Variants in MIPOL1 observed in about 807,000 individuals in gnomAD.
The protein encoded by MIPOL1 is mirror-image polydactyly gene 1 protein.
In MIPOL1, 57 loss-of-function variants were observed where a neutral mutation model predicts 60.9. That is an observed-to-expected ratio of 0.94 (90% CI 0.76 to 1.17). The LOEUF is 1.17. Ranked by LOEUF, MIPOL1 falls within the 50% of genes most tolerant of loss-of-function variation. MIPOL1 has a pLI of 0.00. For missense variants in MIPOL1, 551 were observed against 511.6 expected, an observed-to-expected ratio of 1.08 and a Z score of -0.74; for synonymous variants, 179 against 168.8, an observed-to-expected ratio of 1.06 and a Z score of -0.47.
intron 10 of MIPOL1, among the ~76,000 whole-genome samples, chr14:37,422,346 T>A (rs2093888128): frequency 6.6e-6 from 1 of 151,982 alleles, no homozygotes; most frequent in Non-Finnish European, 1.5e-5. Flanking sequence ...ATCATAACTG[T>A]AAGAATCAGT....
chr14:37,474,458 A>G (rs1378764527), intron 11 of MIPOL1, among the ~76,000 whole-genome samples: 1 of 152,142 alleles, frequency 6.6e-6, no homozygotes, highest in East Asian at 1.9e-4. Context: ...AATAAGTCTC[A>G]TGAGATCTAA....
chr14:37,514,827 G>C (rs2095356980), intron 12 of MIPOL1, among the ~76,000 whole-genome samples: 1 of 151,966 alleles, frequency 6.6e-6, no homozygotes, highest in Admixed American at 6.6e-5. Flanking sequence ...CTCCATGTTG[G>C]TCAGGTATAC....
intron 11 of MIPOL1, among the ~76,000 whole-genome samples, chr14:37,451,598 C>G (rs2094417377): frequency 6.7e-6 from 1 of 149,908 alleles, no homozygotes; most frequent in Non-Finnish European, 1.5e-5. Context: ...GATTCTCTCT[C>G]ATCATAATCA....
At chr14:37,308,315 T>G (rs995398895) in intron 8 of MIPOL1, 34 bp from the exon 9 acceptor site, 1 of 1,462,790 alleles carries the variant, frequency 6.8e-7, no homozygotes, top group African/African-American at 1.4e-5. Flanking sequence ...ATATTAAAAC[T>G]TCATGTCTGA....
chr14:37,316,449 A>G (rs116292363), intron 9 of MIPOL1, among the ~76,000 whole-genome samples: 56 of 152,240 alleles, frequency 3.7e-4, no homozygotes, highest in African/African-American at 1.3e-3. Context: ...AGTTCCGTCC[A>G]GGACAGAGGC....
intron 9 of MIPOL1, among the ~76,000 whole-genome samples, chr14:37,322,171 T>C (rs1403516090): frequency 6.6e-6 from 1 of 152,038 alleles, no homozygotes; most frequent in Non-Finnish European, 1.5e-5. Flanking sequence ...GAATTCTGTA[T>C]TATTGCAGTT....
intron 9 of MIPOL1, among the ~76,000 whole-genome samples, chr14:37,331,503 G>A (rs931946261): frequency 2.7e-5 from 4 of 149,292 alleles, no homozygotes; most frequent in Middle Eastern, 3.6e-3. Flanking sequence ...TAAGTTTATT[G>A]CTAGATATTT....
intron 7 of MIPOL1, among the ~76,000 whole-genome samples, chr14:37,298,553 C>T (rs2086016752): frequency 6.6e-6 from 1 of 152,306 alleles, no homozygotes; most frequent in South Asian, 2.1e-4. Flanking sequence ...ACCTACTCAT[C>T]TGACAAAGGG....
chr14:37,235,600 A>G (rs1394921851), intron 1 of MIPOL1, among the ~76,000 whole-genome samples: 4 of 152,158 alleles, frequency 2.6e-5, no homozygotes, highest in East Asian at 1.9e-4. Context: ...TAAAATGTAC[A>G]TAACATAAAT....
rs184738078 is a variant in MIPOL1 at position 37,289,810 on chromosome 14, A to G, written c.623+4363A>G. On this transcript the variant is annotated intron_variant, in intron 7 of 12. Transcript: ENST00000684589. ...TTGGGGGTTGAAGCTCAAAGTCACAACGTTTTAATCATGCAACCCTCTTCA... is the reference window on the plus strand; with the variant it reads ...TTGGGGGTTGAAGCTCAAAGTCACAGCGTTTTAATCATGCAACCCTCTTCA... Among the ~76,000 whole-genome samples the G allele has an allele frequency of 1.5e-3, 236 of 152,290 alleles. 1 individual carries two copies. Among genetic ancestry groups the G allele is most frequent in the African/African-American group, 5.4e-3 (224 of 41,572 alleles).
At chr14:37,486,819 T>C (rs1454015058) in intron 11 of MIPOL1, among the ~76,000 whole-genome samples, 1 of 152,132 alleles carries the variant, frequency 6.6e-6, no homozygotes, top group Non-Finnish European at 1.5e-5. Context: ...TCTTTATTGC[T>C]TTCTCTTGCC....
At chr14:37,452,795 T>C (rs1247594746) in intron 11 of MIPOL1, among the ~76,000 whole-genome samples, 2 of 152,218 alleles carry the variant, frequency 1.3e-5, no homozygotes, top group African/African-American at 4.8e-5. Flanking sequence ...GCAGCTCCCA[T>C]TAACTTTAAA....
At position 37,402,437 on chromosome 14, in the gene MIPOL1, G is replaced by A. The variant is rs190027402; in HGVS notation, c.937-20418G>A. Among the ~76,000 whole-genome samples, 404 of 152,236 alleles carry A rather than the reference G, an allele frequency of 2.7e-3. 1 individual carries two copies. Among genetic ancestry groups the A allele is most frequent in the Non-Finnish European group, 2.9e-3 (196 of 68,016 alleles). On this transcript the variant is annotated intron_variant, in intron 10 of 12. Coordinates refer to ENST00000684589, the MANE Select transcript of MIPOL1 (RefSeq NM_001388067.1). ...ATGTGAAAGACTTAGCTGTGAGGAT[G>A]TTTATGAGTCTGCCAATGAGCAAAA... is the stretch of plus-strand genomic sequence containing the variant.
intron 12 of MIPOL1, chr14:37,505,713 C>G (rs1277908159): frequency 1.3e-5 from 2 of 152,314 alleles, no homozygotes; most frequent in Non-Finnish European, 1.5e-5. Flanking sequence ...AGGATGTTCT[C>G]TCTCACCACT....
At position 37,361,608 on chromosome 14, in the gene MIPOL1, CTCTTTTTTTTTTTTT is replaced by C. The variant is rs2092251763; in HGVS notation, c.829-7907_829-7893del. On this transcript the variant is annotated intron_variant, in intron 9 of 12. Coordinates refer to ENST00000684589, the MANE Select transcript of MIPOL1 (RefSeq NM_001388067.1). ...TGGCCTTTTTTGTTTCTCCCTCTCT[CTCTTTTTTTTTTTTT>C]TTTTTTTTTTTTTTGCCTCTCTCGC... Among the ~76,000 whole-genome samples the C allele has an allele frequency of 3.6e-5, 4 of 111,156 alleles. No homozygotes were observed. In the Admixed American group the frequency reaches 3.8e-4, roughly 10 times the overall value. 72.9% of individuals were successfully genotyped at this position (111,156 alleles called of 152,430 possible). A position where few individuals can be genotyped will look rare whatever the true frequency, so the allele number is the denominator to read the frequency against.
chr14:37,538,047 G>A (rs1456922314), intron 12 of MIPOL1, among the ~76,000 whole-genome samples: 2 of 152,108 alleles, frequency 1.3e-5, no homozygotes, highest in Non-Finnish European at 2.9e-5. Context: ...CCTGTAGCTG[G>A]TCCAGCTTCT....
At chr14:37,364,003 GGGCC>G in intron 9 of MIPOL1, among the ~76,000 whole-genome samples, 1 of 152,170 alleles carries the variant, frequency 6.6e-6, no homozygotes, top group African/African-American at 2.4e-5. Context: ...CACAGTATTT[GGGCC>G]GGAATGTCCC....
At chr14:37,441,405 A>G (rs1343559395) in intron 11 of MIPOL1, among the ~76,000 whole-genome samples, 3 of 152,006 alleles carry the variant, frequency 2.0e-5, no homozygotes, top group Non-Finnish European at 4.4e-5. Context: ...TCTTAAGTTA[A>G]TTTTTCTATA....
chr14:37,486,895 G>A (rs2094955687), intron 11 of MIPOL1, among the ~76,000 whole-genome samples: 1 of 152,118 alleles, frequency 6.6e-6, no homozygotes. Flanking sequence ...GTATGAGAGG[G>A]CATCCTTGTC....
Sources: gnomAD v4.1 joint callset for allele counts (sites outside exome capture counted in the v4.1 genomes callset) on GRCh38, gnomAD v4.1.1 for gene constraint, MANE v1.5 for transcripts, NCBI Gene and HGNC (gene_info 2026-07-23, HGNC 2026-07-21) for gene names.